The following NBEA variants were observed in gnomAD, a reference collection of about 807,000 sequenced individuals.
The protein encoded by NBEA is neurobeachin.
A neutral mutation model predicts 343.4 loss-of-function variants in NBEA; 44 were observed. The observed-to-expected ratio is 0.13, with a 90% CI of 0.10 to 0.16. The LOEUF (loss-of-function observed/expected upper bound fraction) is 0.16, where lower values mean the gene tolerates loss of function less well. Ranked by LOEUF, NBEA falls within the 10% of genes least tolerant of loss-of-function variation. The pLI is 1.00. For synonymous variants in NBEA, 1,175 were observed against 1,238.7 expected (o/e 0.95, Z 1.08); for missense variants, 2,555 against 3,631.3 (o/e 0.70, Z 7.62).
intron 36 of NBEA, among the ~76,000 whole-genome samples, chr13:35,312,673 C>A (rs1335045577): frequency 6.6e-6 from 1 of 152,018 alleles, no homozygotes; most frequent in Admixed American, 6.6e-5. Flanking sequence ...CTAATAGTAG[C>A]TATGAGGATG....
intron 25 of NBEA, 118 bp from the exon 26 acceptor site, chr13:35,171,154 A>G: frequency 1.1e-6 from 1 of 926,592 alleles, no homozygotes; most frequent in Non-Finnish European, 1.7e-6. Flanking sequence ...CATTTATTTT[A>G]TTTATAAAAT....
chr13:35,325,854 A>C (rs533712940), intron 36 of NBEA, among the ~76,000 whole-genome samples: 1 of 152,162 alleles, frequency 6.6e-6, no homozygotes, highest in East Asian at 1.9e-4. Context: ...GTAGGGGTTC[A>C]GTTTCAACTT....
At chr13:34,990,719 C>T (rs1475995657) in intron 1 of NBEA, among the ~76,000 whole-genome samples, 1 of 138,764 alleles carries the variant, frequency 7.2e-6, no homozygotes, top group Non-Finnish European at 1.7e-5. Context: ...TTGAATTCCT[C>T]CCCAGAAAAT....
intron 31 of NBEA, among the ~76,000 whole-genome samples, chr13:35,202,797 A>T (rs1259123423): frequency 3.9e-5 from 6 of 152,112 alleles, no homozygotes; most frequent in Non-Finnish European, 7.4e-5. Flanking sequence ...GATTAAAAAG[A>T]GGTATAAAAA....
chr13:35,292,036 A>G (rs1322315028), intron 35 of NBEA, among the ~76,000 whole-genome samples: 1 of 151,994 alleles, frequency 6.6e-6, no homozygotes, highest in Non-Finnish European at 1.5e-5. Flanking sequence ...ATATATGCTT[A>G]TTCTTTAAAA....
rs144419469 is a variant in NBEA, at chr13:35,533,513, A to T, written c.6586-16964A>T. 9.2e-5 allele frequency among the ~76,000 whole-genome samples: 14 copies of T among 152,184 alleles called. No homozygotes were observed. In the East Asian group the frequency reaches 2.7e-3, roughly 29 times the overall value. ...TCATTCCTCAATGGAATTTCCTCCT[A>T]AATATTAGTGTCATTTGTTCTGAGG... On this transcript the variant is annotated intron_variant, in intron 41 of 58. Coordinates refer to ENST00000379939, the MANE Select transcript of NBEA (RefSeq NM_001385012.1).
chr13:35,294,070 C>T (rs9593057), intron 35 of NBEA, among the ~76,000 whole-genome samples: 20,710 of 151,926 alleles, frequency 0.14, 1,585 homozygotes, highest in African/African-American at 0.2. Context: ...CTTAGTTAGG[C>T]ATCTGTGTAT....
intron 1 of NBEA, among the ~76,000 whole-genome samples, chr13:34,980,585 T>C (rs1189025091): frequency 1.3e-5 from 2 of 152,010 alleles, no homozygotes; most frequent in South Asian, 2.1e-4. Flanking sequence ...TGGGAGGTGA[T>C]TAAGTAATGA....
At chr13:35,670,858 A>G in intron 58 of NBEA, 43 bp from the exon 59 acceptor site, 1 of 1,383,650 alleles carries the variant, frequency 7.2e-7, no homozygotes, top group Non-Finnish European at 1.0e-6. Flanking sequence ...CAACCACAGA[A>G]ATGATTTTAT....
At chr13:35,166,668 A>T (rs1458966988) in intron 24 of NBEA, among the ~76,000 whole-genome samples, 1 of 152,060 alleles carries the variant, frequency 6.6e-6, no homozygotes, top group South Asian at 2.1e-4. Context: ...CCCATTTTGT[A>T]TCTGGTAGAA....
At chr13:35,289,772 A>G (rs2035682327) in intron 34 of NBEA, among the ~76,000 whole-genome samples, 1 of 151,878 alleles carries the variant, frequency 6.6e-6, no homozygotes, top group African/African-American at 2.4e-5. Flanking sequence ...TTACATAGAC[A>G]TTATTGCAAT....
intron 31 of NBEA, among the ~76,000 whole-genome samples, chr13:35,201,072 A>G (rs548988408): frequency 6.6e-6 from 1 of 152,174 alleles, no homozygotes; most frequent in East Asian, 1.9e-4. Flanking sequence ...CGTAAGCCAA[A>G]TTGATTATTC....
intron 1 of NBEA, among the ~76,000 whole-genome samples, chr13:35,014,013 T>C (rs934600460): frequency 3.9e-5 from 6 of 152,230 alleles, no homozygotes; most frequent in African/African-American, 1.4e-4. Flanking sequence ...GACCCGTTTA[T>C]TGTTATTATT....
At chr13:35,441,704 C>A (rs1307383189) in intron 39 of NBEA, among the ~76,000 whole-genome samples, 2 of 151,422 alleles carry the variant, frequency 1.3e-5, no homozygotes, top group East Asian at 1.9e-4. Flanking sequence ...GGATTGAGAT[C>A]AAAAACTGAG....
chr13:35,043,810 A>G (rs2062745581), intron 2 of NBEA, among the ~76,000 whole-genome samples: 1 of 152,016 alleles, frequency 6.6e-6, no homozygotes. Flanking sequence ...TTAATCTGTG[A>G]TATGATATTG....
chr13:35,590,306 C>T (rs1306185048), intron 46 of NBEA, among the ~76,000 whole-genome samples: 1 of 152,000 alleles, frequency 6.6e-6, no homozygotes, highest in Non-Finnish European at 1.5e-5. Flanking sequence ...TAGTACTCTA[C>T]CACTGTAGCA....
At chr13:35,636,596 T>C (rs1484596671) in intron 49 of NBEA, among the ~76,000 whole-genome samples, 1 of 152,196 alleles carries the variant, frequency 6.6e-6, no homozygotes, top group Non-Finnish European at 1.5e-5. Context: ...TCGTTCCTGC[T>C]CCTACACCAC....
At position 35,654,941 on chromosome 13, in the gene NBEA, G is replaced by T. The variant is rs1009682064; in HGVS notation, c.8122G>T (p.Ala2708Ser). Residue 2708 changes from alanine (A) to serine (S), a missense_variant, in exon 54 of 59, where the codon GCA (alanine) becomes TCA (serine). By Grantham distance (99) the Ala-to-Ser change is moderately conservative. This residue lies in a region of NBEA where 39 missense variants were observed against 37.9 expected (regional missense o/e 1.03). Transcript: ENST00000379939. ...QINAHCFVVT[A>S]DNRYILICGF... Reference sequence around the variant, plus strand: ...CAATGCACATTGTTTTGTGGTAACAGCAGATAATCGCTATATTCTTATCTG... The same window carrying T: ...CAATGCACATTGTTTTGTGGTAACATCAGATAATCGCTATATTCTTATCTG... 3 of 1,587,938 alleles carry T rather than the reference G, an allele frequency of 1.9e-6. No homozygotes were observed. Among genetic ancestry groups the T allele is most frequent in the Non-Finnish European group, 2.6e-6 (3 of 1,171,140 alleles).
intron 38 of NBEA, among the ~76,000 whole-genome samples, chr13:35,368,199 A>G (rs936543493): frequency 1.3e-5 from 2 of 151,612 alleles, no homozygotes; most frequent in Non-Finnish European, 3.0e-5. Context: ...GGTCCTTTCA[A>G]TCTATATTAA....
Sources: allele counts gnomAD v4.1 joint callset (sites outside exome capture counted in the v4.1 genomes callset), GRCh38; gene constraint gnomAD v4.1.1; regional missense constraint gnomAD v4.1.1; transcripts MANE v1.5; gene names NCBI Gene and HGNC (gene_info 2026-07-23, HGNC 2026-07-21).